MYH11: variants seen among roughly 807,000 people sequenced by gnomAD.
The protein encoded by MYH11 is myosin heavy chain 11.
In MYH11, 80 loss-of-function variants were observed where a neutral mutation model predicts 246.6. That is an observed-to-expected ratio of 0.32 (90% CI 0.27 to 0.39). The LOEUF is 0.39. Ranked by LOEUF, MYH11 falls within the 10% of genes least tolerant of loss-of-function variation. The probability of loss-of-function intolerance (pLI) is 1.00; values close to 1 mark genes in which losing one functional copy is unlikely to be tolerated. For missense variants in MYH11, 2,158 were observed against 2,546.8 expected (o/e 0.85, Z 3.29); for synonymous variants, 1,071 against 1,015.5 (o/e 1.05, Z -1.04).
Position 15,782,397 on chromosome 16 carries a change from G to C in MYH11, c.714C>G (p.Asn238Lys). The change falls in exon 6 of 41, where the codon AAC becomes AAG. Residue 238 changes from asparagine to lysine, a missense_variant. By Grantham distance (94) the Asn-to-Lys change is moderately conservative. Transcript: ENST00000300036. ...CTTTGCTACTTACGAATCGTGAGGA[G>C]TTGTCGTTCTTCACTGTTTTGGCGT... ...FGNAKTVKND[N>K]SSRFGKFIRI... 1 of 1,614,112 alleles carries C rather than the reference G, an allele frequency of 6.2e-7. No individual in the cohort carries two copies. The highest frequency in any genetic ancestry group is 8.5e-7 in the Non-Finnish European group (1 of 1,179,950).
At chr16:15,763,103 T>A (rs1487490186) in intron 10 of MYH11, among the ~76,000 whole-genome samples, 1 of 152,210 alleles carries the variant, frequency 6.6e-6, no homozygotes, top group African/African-American at 2.4e-5. Flanking sequence ...TCTTTTGGTA[T>A]AATCACGGTC....
intron 8 of MYH11, among the ~76,000 whole-genome samples, chr16:15,773,209 A>G (rs2042145000): frequency 6.6e-6 from 1 of 151,864 alleles, no homozygotes; most frequent in Admixed American, 6.6e-5. Flanking sequence ...GGATATGTCA[A>G]GTTTAGATAG....
In MYH11 at chr16:15,835,746, ATTTTTTT is replaced by A. The variant is rs386384349; in HGVS notation, c.345+2155_345+2161del. Among the ~76,000 whole-genome samples the A allele has an allele frequency of 4.7e-4, 62 of 132,096 alleles. 1 individual carries two copies. Among genetic ancestry groups the A allele is most frequent in the African/African-American group, 6.5e-4 (23 of 35,502 alleles). 86.7% of individuals were successfully genotyped at this position (132,096 alleles called of 152,430 possible). ...TAACCCACTCCATGAAGCTGGTACT[ATTTTTTT>A]TTTTTTTTTTTTTTGAAACAGACAA... On this transcript the variant is annotated intron_variant, in intron 2 of 40. Transcript: ENST00000300036.
In MYH11 at chr16:15,715,096, TG is replaced by T; in HGVS notation, c.5614-16del. The T allele has an allele frequency of 6.2e-7, 1 of 1,609,590 alleles. No individual in the cohort carries two copies. The highest frequency in any genetic ancestry group is 8.5e-7 in the Non-Finnish European group (1 of 1,179,140). ...CCTTTCTCTGCCTGTCGCGGAGAGT[TG>T]GAGGGGTGGTTAGGGGAGGCCGGCT... On this transcript the variant is annotated splice_polypyrimidine_tract_variant and intron_variant, in intron 39 of 40. Transcript: ENST00000300036.
chr16:15,776,345 G>A (rs1267185781), intron 7 of MYH11, among the ~76,000 whole-genome samples, 169 bp from the exon 8 acceptor site: 2 of 152,064 alleles, frequency 1.3e-5, no homozygotes, highest in Non-Finnish European at 2.9e-5. Context: ...GAACCGCTGG[G>A]TGCTGCCAGC....
intron 1 of MYH11, among the ~76,000 whole-genome samples, 174 bp from the exon 2 acceptor site, chr16:15,838,443 G>A (rs2043964542): frequency 6.6e-6 from 1 of 152,160 alleles, no homozygotes; most frequent in South Asian, 2.1e-4. Context: ...AGGCCCTTCA[G>A]AAAGGGATGT....
chr16:15,845,732 G>T (rs2151389525), intron 1 of MYH11, among the ~76,000 whole-genome samples: 1 of 150,394 alleles, frequency 6.6e-6, no homozygotes, highest in East Asian at 2.0e-4. Flanking sequence ...GAAAAAGAAG[G>T]AGAGAGAGAG....
intron 14 of MYH11, among the ~76,000 whole-genome samples, chr16:15,756,130 G>A (rs899580747): frequency 1.1e-4 from 17 of 152,320 alleles, no homozygotes; most frequent in African/African-American, 3.6e-4. Flanking sequence ...CTGTCTGGAC[G>A]TCACGGTTGG....
intron 9 of MYH11, among the ~76,000 whole-genome samples, chr16:15,766,723 G>A (rs1021888932): frequency 6.6e-6 from 1 of 152,114 alleles, no homozygotes; most frequent in Admixed American, 6.6e-5. Context: ...TGTAGTGGCC[G>A]ATCTCTCCTG....
chr16:15,804,437 G>A (rs572779433), intron 3 of MYH11, among the ~76,000 whole-genome samples: 3 of 152,180 alleles, frequency 2.0e-5, no homozygotes, highest in South Asian at 2.1e-4. Flanking sequence ...CAGGAGAATC[G>A]CGTGAACCAG....
intron 40 of MYH11, among the ~76,000 whole-genome samples, chr16:15,710,260 C>T (rs532071081): frequency 2.6e-5 from 4 of 152,154 alleles, no homozygotes; most frequent in South Asian, 4.1e-4. Context: ...TGGTGGCTCA[C>T]GCCTGTAACC....
intron 9 of MYH11, 106 bp downstream of exon 9, chr16:15,771,463 T>C: frequency 1.2e-6 from 1 of 824,378 alleles, no homozygotes; most frequent in Non-Finnish European, 1.7e-6. Context: ...TAATGGAAGG[T>C]GGGGAATTCA....
In MYH11 at chr16:15,741,663, C is replaced by A; in HGVS notation, c.2659G>T (p.Glu887Ter). The stretch of plus-strand genomic sequence containing the variant: ...TGTTCCTGTAGCAGGTTCTTCTCCT[C>A]GGTCAGCTGCACGCAGGTGGTGGGG... ...ELEQKHSQLT[E>*]EKNLLQEQLQ... is the part of the protein sequence containing the mutation. Residue 887 changes from glutamate to a stop codon, truncating the protein, a stop_gained, in exon 22 of 41, where the codon GAG becomes TAG. Coordinates refer to ENST00000300036, the MANE Select transcript of MYH11 (RefSeq NM_002474.3). LOFTEE classifies it high-confidence loss of function. 1 of 1,613,808 alleles carries A rather than the reference C, an allele frequency of 6.2e-7. No individual in the cohort carries two copies. Among genetic ancestry groups the A allele is most frequent in the Non-Finnish European group, 8.5e-7 (1 of 1,180,036 alleles).
rs970081766 is a variant in MYH11, at chr16:15,778,398, C to T, written c.790+382G>A. 4.6e-5 allele frequency among the ~76,000 whole-genome samples: 7 copies of T among 152,190 alleles called. No individual in the cohort carries two copies. The South Asian group carries it at 1.2e-3, about 27-fold the overall frequency. Reference sequence around the variant, plus strand: ...TACGTAGCCAGCCCTTACTCTGCACCTCGCATGGTGCCTAGAGCTTTATAT... The same window carrying T: ...TACGTAGCCAGCCCTTACTCTGCACTTCGCATGGTGCCTAGAGCTTTATAT... On this transcript the variant is annotated intron_variant, in intron 7 of 40. Transcript: ENST00000300036.
At position 15,703,747 on chromosome 16, in the gene MYH11, C is replaced by T; in HGVS notation, c.*244G>A. ...GGGACCACAGGTGTGTACCACCACG[C>T]CCAGCTTATTTTTAAATTCTTGTAT... On this transcript the variant is annotated 3_prime_UTR_variant, in exon 41 of 41. Coordinates refer to ENST00000300036, the MANE Select transcript of MYH11 (RefSeq NM_002474.3). 1.9e-6 allele frequency: 1 copy of T among 532,474 alleles called. No homozygotes were observed. Among genetic ancestry groups the T allele is most frequent in the South Asian group, 1.9e-5 (1 of 52,986 alleles). 33.0% of individuals were successfully genotyped at this position (532,474 alleles called of 1,614,324 possible).
At chr16:15,805,679 A>T (rs2042992993) in intron 3 of MYH11, among the ~76,000 whole-genome samples, 1 of 152,168 alleles carries the variant, frequency 6.6e-6, no homozygotes, top group African/African-American at 2.4e-5. Flanking sequence ...TGGGAAGCTG[A>T]GGCAGGTGGA....
intron 14 of MYH11, among the ~76,000 whole-genome samples, chr16:15,755,754 G>A (rs113427000): frequency 0.016 from 2,393 of 152,218 alleles, 66 homozygotes; most frequent in African/African-American, 0.054. Flanking sequence ...CCAACATGGC[G>A]AAACCCTTCT....
At chr16:15,777,691 G>T (rs767342162) in intron 7 of MYH11, among the ~76,000 whole-genome samples, 2 of 152,136 alleles carry the variant, frequency 1.3e-5, no homozygotes, top group African/African-American at 4.8e-5. Flanking sequence ...AAGTAGAAAC[G>T]TAGAAAACAT....
In MYH11 at chr16:15,835,847, G is replaced by A. The variant is rs994108690; in HGVS notation, c.345+2061C>T. Among the ~76,000 whole-genome samples the A allele has an allele frequency of 3.3e-5, 5 of 150,504 alleles. No homozygotes were observed. In the East Asian group the frequency reaches 9.8e-4, roughly 29 times the overall value. On this transcript the variant is annotated intron_variant, in intron 2 of 40. Transcript: ENST00000300036. ...TAGCTCACTGCAGCCTTGAACTCCT[G>A]GGCTCAAGTGATCCTCCTGCCTCAG...
Sources: gnomAD v4.1 joint callset for allele counts (sites outside exome capture counted in the v4.1 genomes callset) on GRCh38, gnomAD v4.1.1 for gene constraint, MANE v1.5 for transcripts, NCBI Gene and HGNC (gene_info 2026-07-23, HGNC 2026-07-21) for gene names.